TTLL3: variants seen among roughly 807,000 people sequenced by gnomAD.
TTLL3 encodes tubulin tyrosine ligase like 3.
A neutral mutation model predicts 75.2 loss-of-function variants in TTLL3; 63 were observed. The observed-to-expected ratio is 0.84, with a 90% CI of 0.68 to 1.03. TTLL3 has a LOEUF of 1.03. Ranked by LOEUF, TTLL3 falls within the 50% of genes least tolerant of loss-of-function variation. The pLI is 0.00. For synonymous variants in TTLL3, 393 were observed against 418.5 expected, an observed-to-expected ratio of 0.94 and a Z score of 0.74; for missense variants, 997 against 1,069.9, an observed-to-expected ratio of 0.93 and a Z score of 0.95.
rs2081283148 is a variant in TTLL3 at position 9,828,781 on chromosome 3, C to T, written c.1248-179C>T. On this transcript the variant is annotated intron_variant, in intron 10 of 13. Transcript: ENST00000685419. ...CCTGAGAGATAAGAGTGGTTCTGGCCCTAGAAGAATGTGGTGGGGCCCAGG... is the reference window on the plus strand; with the variant it reads ...CCTGAGAGATAAGAGTGGTTCTGGCTCTAGAAGAATGTGGTGGGGCCCAGG... 5.2e-6 allele frequency: 4 copies of T among 776,182 alleles called. No individual in the cohort carries two copies. In the South Asian group the frequency reaches 5.6e-5, roughly 11 times the overall value. The allele number at this position is 776,182 out of a possible 1,614,324, so 48.1% of individuals were successfully genotyped here. A position where few individuals can be genotyped will look rare whatever the true frequency, so the allele number is the denominator to read the frequency against.
At chr3:9,818,591 A>G (rs548894261) in intron 6 of TTLL3, 1 of 1,232,710 alleles carries the variant, frequency 8.1e-7, no homozygotes, top group Non-Finnish European at 1.1e-6. Context: ...GATGGTCTCG[A>G]TCTCCTGACC....
chr3:9,810,336 G>A lies in TTLL3; in HGVS notation c.-100G>A. On this transcript the variant is annotated 5_prime_UTR_variant, in exon 1 of 14. Coordinates refer to ENST00000685419, the MANE Select transcript of TTLL3 (RefSeq NM_001387446.1). This position sits in a 1 kb window ranked among gnomAD's most constrained non-coding sequence, Gnocchi z 4.4. ...CAGGCACCCACGCCCAGGGCGCCTCGGATACCCACCCCCTCGGCCCCCCGC... is the reference window on the plus strand; with the variant it reads ...CAGGCACCCACGCCCAGGGCGCCTCAGATACCCACCCCCTCGGCCCCCCGC... The A allele has an allele frequency of 1.4e-6, 2 of 1,454,204 alleles. No individual in the cohort carries two copies. The highest frequency in any genetic ancestry group is 1.8e-6 in the Non-Finnish European group (2 of 1,115,102). 90.1% of individuals were successfully genotyped at this position (1,454,204 alleles called of 1,614,324 possible).
At chr3:9,809,848 G>C, upstream of TTLL3, 1 of 501,242 alleles carries the variant, frequency 2.0e-6, no homozygotes, top group African/African-American at 2.3e-5. Context: ...GCGGTCTGAT[G>C]GTGCCCAGGG....
In TTLL3 at chr3:9,832,525, C is replaced by T. The variant is rs977068660; in HGVS notation, c.1684-579C>T. ...CACAGGGAGCTCTCCTGGAGCCCAG[C>T]TGAGGGCAGGACATACAGCTTGGCC... On this transcript the variant is annotated intron_variant, in intron 11 of 13. Transcript: ENST00000685419. 1.3e-5 allele frequency among the ~76,000 whole-genome samples: 2 copies of T among 152,332 alleles called. 1 individual carries two copies.
chr3:9,810,413 G>A lies in TTLL3; in HGVS notation c.-42+19G>A. 3 of 1,411,344 alleles carry A rather than the reference G, an allele frequency of 2.1e-6. No individual in the cohort carries two copies. The highest frequency in any genetic ancestry group is 1.5e-5 in the South Asian group (1 of 65,532). 87.4% of individuals were successfully genotyped at this position (1,411,344 alleles called of 1,614,324 possible). On this transcript the variant is annotated intron_variant, in intron 1 of 13. Transcript: ENST00000685419. The surrounding 1 kb of genome is among the most constrained non-coding windows in gnomAD (Gnocchi z 4.4). ...CAGGATGGTGAGGCCCGTGCGGCCC[G>A]CTCGCTCTGGCCTACAGCGGCTGCG...
rs1431144023 is a variant in TTLL3 at position 9,816,152 on chromosome 3, A to G, written c.394A>G (p.Lys132Glu). The change falls in exon 5 of 14, where the codon AAG becomes GAG. Residue 132 changes from lysine (K) to glutamate (E), a missense_variant. Transcript: ENST00000685419. ...RDVLDCRFLS[K>E]DQMINHYARA... The stretch of plus-strand genomic sequence containing the variant: ...TGTGCTCGACTGTCGCTTCCTCTCC[A>G]AGGATCAGATGATAAACCACTACGC... The G allele has an allele frequency of 1.5e-6, 2 of 1,354,042 alleles. No individual in the cohort carries two copies. The highest frequency in any genetic ancestry group is 4.6e-5 in the East Asian group (1 of 21,512). The allele number at this position is 1,354,042 out of a possible 1,614,324, so 83.9% of individuals were successfully genotyped here.
intron 11 of TTLL3, among the ~76,000 whole-genome samples, chr3:9,830,069 C>T (rs2081379771): frequency 1.3e-5 from 2 of 152,176 alleles, no homozygotes; most frequent in South Asian, 2.1e-4. Flanking sequence ...TCTCGAGCTC[C>T]TGACCTCAGG....
upstream of TTLL3, chr3:9,809,930 C>G: frequency 1.7e-5 from 3 of 174,110 alleles, no homozygotes; most frequent in Non-Finnish European, 1.8e-5. Flanking sequence ...TAGGCAGGAA[C>G]TTCCCGGGAG....
At chr3:9,819,721 A>G in intron 7 of TTLL3, 1 of 985,392 alleles carries the variant, frequency 1.0e-6, no homozygotes, top group Non-Finnish European at 1.2e-6. Flanking sequence ...TCAGCGAGGG[A>G]TTCAGGGAAG....
At chr3:9,820,438 C>T (rs557009672) in intron 7 of TTLL3, 108 bp from the exon 8 acceptor site, 23 of 1,551,560 alleles carry the variant, frequency 1.5e-5, no homozygotes, top group South Asian at 7.5e-5. Context: ...TATCTAGGTT[C>T]GTGCTGGGCC....
At chr3:9,823,121 C>T (rs1394880961) in intron 8 of TTLL3, among the ~76,000 whole-genome samples, 2 of 148,430 alleles carry the variant, frequency 1.3e-5, no homozygotes, top group South Asian at 2.2e-4. Flanking sequence ...CGGTGGCTCA[C>T]GCCTGTAATC....
chr3:9,817,789 C>T (rs1432220414), intron 6 of TTLL3, 30 bp downstream of exon 6: 1 of 1,613,326 alleles, frequency 6.2e-7, no homozygotes, highest in Non-Finnish European at 8.5e-7. Flanking sequence ...TATGCCTGAA[C>T]CTCAGGCTGA....
At chr3:9,816,317 A>G (rs1463254692) in intron 5 of TTLL3, 115 bp downstream of exon 5, 7 of 1,134,636 alleles carry the variant, frequency 6.2e-6, no homozygotes, top group Non-Finnish European at 8.1e-6. Flanking sequence ...AAGGGGAAGT[A>G]TACAATTCAG....
At position 9,834,900 on chromosome 3, in the gene TTLL3, C is replaced by A. The variant is rs2081946154; in HGVS notation, c.2045C>A (p.Pro682Gln). 1.9e-6 allele frequency: 3 copies of A among 1,614,224 alleles called. No homozygotes were observed. The highest frequency in any genetic ancestry group is 1.3e-5 in the African/African-American group (1 of 75,050). ...DFKVAPSILK[P>Q]RKAPALLCLR... Reference sequence around the variant, plus strand: ...AAGGTGGCACCCAGCATCCTGAAGCCAAGAAAGGTGGGCCTCGACCTGTGA... The same window carrying A: ...AAGGTGGCACCCAGCATCCTGAAGCAAAGAAAGGTGGGCCTCGACCTGTGA... Residue 682 changes from proline (P) to glutamine (Q), a missense_variant, in exon 13 of 14, where the codon CCA (proline) becomes CAA (glutamine). Pro to Gln is a moderately conservative substitution (Grantham distance 76, BLOSUM62 -1). Transcript: ENST00000685419.
intron 8 of TTLL3, among the ~76,000 whole-genome samples, chr3:9,821,815 C>T (rs2080439719): frequency 6.6e-6 from 1 of 151,948 alleles, no homozygotes; most frequent in Non-Finnish European, 1.5e-5. Context: ...CCAGCCTGGC[C>T]AATATGGCGA....
At chr3:9,809,954 G>A (rs955208065), upstream of TTLL3, 16 of 1,288,050 alleles carry the variant, frequency 1.2e-5, no homozygotes, top group Non-Finnish European at 1.5e-5. Context: ...AGGCGGCGAC[G>A]CGGAGGGGCG....
chr3:9,823,111 C>T (rs537956805), intron 8 of TTLL3, among the ~76,000 whole-genome samples: 12 of 151,654 alleles, frequency 7.9e-5, no homozygotes, highest in African/African-American at 2.9e-4. Flanking sequence ...GGGCCGGGCA[C>T]GGTGGCTCAC....
chr3:9,817,598 T>A (rs767012312), intron 5 of TTLL3, 47 bp from the exon 6 acceptor site: 13 of 1,612,912 alleles, frequency 8.1e-6, no homozygotes, highest in Non-Finnish European at 1.0e-5. Flanking sequence ...GGGTGTGTGG[T>A]GAGTGTGGGC....
At chr3:9,814,056 T>C (rs2079587677) in intron 4 of TTLL3, among the ~76,000 whole-genome samples, 2 of 151,794 alleles carry the variant, frequency 1.3e-5, no homozygotes, top group South Asian at 2.1e-4. Context: ...CCAGCACTTT[T>C]TGGGAGGCCG....
Sources: gnomAD v4.1 joint callset for allele counts (sites outside exome capture counted in the v4.1 genomes callset) on GRCh38, gnomAD v4.1.1 for gene constraint, Gnocchi (gnomAD v3.1) non-coding constraint, MANE v1.5 for transcripts, NCBI Gene and HGNC (gene_info 2026-07-23, HGNC 2026-07-21) for gene names.